Variants in NAB2 observed in about 807,000 individuals in gnomAD.
The protein encoded by NAB2 is NGFI-A-binding protein 2.
A neutral mutation model predicts 44.2 loss-of-function variants in NAB2; 9 were observed. The observed-to-expected ratio is 0.20, with a 90% CI of 0.12 to 0.36. The LOEUF is 0.36. NAB2 is among the 10% of genes least tolerant of loss of function. NAB2 has a pLI of 1.00. For synonymous variants in NAB2, 342 were observed against 291.0 expected (o/e 1.18, Z -1.78); for missense variants, 514 against 709.0 (o/e 0.73, Z 3.12).
At chr12:57,094,398 C>T (rs966186667) in intron 6 of NAB2, among the ~76,000 whole-genome samples, 1 of 151,636 alleles carries the variant, frequency 6.6e-6, no homozygotes, top group Non-Finnish European at 1.5e-5. Flanking sequence ...GAGAGACAGA[C>T]AGAGACAGAG....
rs772413890 is a variant in NAB2 at position 57,091,451 on chromosome 12, G to A, written c.410G>A (p.Arg137Gln). Residue 137 changes from arginine to glutamine, a missense_variant, in exon 2 of 7, where the codon CGG (arginine) becomes CAG (glutamine). Transcript: ENST00000300131. The surrounding 1 kb of genome is among the most constrained non-coding windows in gnomAD (Gnocchi z 7.3). ...LFKISETAGT[R>Q]KGSMSNGHGS... ...AAGATCTCTGAGACTGCGGGTACCC[G>A]GAAAGGGAGCATGAGCAATGGGCAT... 10 of 1,614,218 alleles carry A rather than the reference G, an allele frequency of 6.2e-6. No homozygotes were observed. Among genetic ancestry groups the A allele is most frequent in the Middle Eastern group, 1.6e-4 (1 of 6,062 alleles).
chr12:57,094,805 C>A lies in NAB2; in HGVS notation c.*84C>A. The A allele has an allele frequency of 8.7e-7, 1 of 1,155,942 alleles. No homozygotes were observed. The highest frequency in any genetic ancestry group is 1.2e-6 in the Non-Finnish European group (1 of 817,072). 71.6% of individuals were successfully genotyped at this position (1,155,942 alleles called of 1,614,324 possible). ...ACGCTCTCCATCCCCGGAATCTAGT[C>A]ACAACCCTGGATCCTTCCTCTGCCC... On this transcript the variant is annotated 3_prime_UTR_variant, in exon 7 of 7. Coordinates refer to ENST00000300131, the MANE Select transcript of NAB2 (RefSeq NM_005967.4).
intron 3 of NAB2, 29 bp from the exon 4 acceptor site, chr12:57,092,888 A>G (rs764973585): frequency 6.2e-7 from 1 of 1,613,690 alleles, no homozygotes; most frequent in Non-Finnish European, 8.5e-7. Flanking sequence ...CGTCAGCCTC[A>G]TCCACTTTAT....
Position 57,089,117 on chromosome 12 carries a change from CAG to C in NAB2, c.-152_-151del. ...GAGGGTGGGGGGGCAGAGGCACAGA[CAG>C]AGGCGCGGAGGCTCGGAGAGAGAAG... On this transcript the variant is annotated 5_prime_UTR_variant, in exon 1 of 7. Coordinates refer to ENST00000300131, the MANE Select transcript of NAB2 (RefSeq NM_005967.4). The C allele has an allele frequency of 2.6e-6, 2 of 763,014 alleles. No individual in the cohort carries two copies. The highest frequency in any genetic ancestry group is 2.6e-5 in the Admixed American group (1 of 39,082). The allele number at this position is 763,014 out of a possible 1,614,324, so 47.3% of individuals were successfully genotyped here. A position where few individuals can be genotyped will look rare whatever the true frequency, so the allele number is the denominator to read the frequency against.
chr12:57,094,830 C>A lies in NAB2; in HGVS notation c.*109C>A. 1 of 852,618 alleles carries A rather than the reference C, an allele frequency of 1.2e-6. No individual in the cohort carries two copies. Among genetic ancestry groups the A allele is most frequent in the Non-Finnish European group, 1.8e-6 (1 of 553,808 alleles). 52.8% of individuals were successfully genotyped at this position (852,618 alleles called of 1,614,324 possible). ...CACAACCCTGGATCCTTCCTCTGCC[C>A]TTCTCCTGCCTCCCCACCTGCTCCA... On this transcript the variant is annotated 3_prime_UTR_variant, in exon 7 of 7. Transcript: ENST00000300131.
At chr12:57,094,293 A>C (rs2033282611) in intron 6 of NAB2, among the ~76,000 whole-genome samples, 2 of 115,190 alleles carry the variant, frequency 1.7e-5, no homozygotes, top group Admixed American at 1.9e-4. Context: ...AGAGCTTGGG[A>C]AGGGGGGAGG....
At chr12:57,093,294 G>C in intron 5 of NAB2, 99 bp downstream of exon 5, 1 of 1,479,274 alleles carries the variant, frequency 6.8e-7, no homozygotes. Context: ...CTGAAACAGG[G>C]TTGGGAGACC....
chr12:57,093,738 C>G, intron 6 of NAB2, 140 bp downstream of exon 6: 1 of 944,454 alleles, frequency 1.1e-6, no homozygotes, highest in Non-Finnish European at 1.5e-6. Context: ...CTCCAGCCAG[C>G]CAGGCCTTGG....
chr12:57,092,383 A>G (rs2136544566), intron 2 of NAB2, 65 bp from the exon 3 acceptor site: 1 of 1,588,718 alleles, frequency 6.3e-7, no homozygotes, highest in East Asian at 2.2e-5. Flanking sequence ...AAGGGGTGTG[A>G]GGAGGTCTGG....
intron 2 of NAB2, 196 bp from the exon 3 acceptor site, chr12:57,092,252 G>A (rs1428514373): frequency 3.0e-6 from 3 of 993,674 alleles, no homozygotes; most frequent in Non-Finnish European, 4.3e-6. Context: ...AGAGGAGGAG[G>A]CCCCGGGCAT....
At position 57,091,082 on chromosome 12, in the gene NAB2, G is replaced by A. The variant is rs1276949102; in HGVS notation, c.84-43G>A. The A allele has an allele frequency of 2.0e-6, 3 of 1,466,460 alleles. No homozygotes were observed. The East Asian group carries it at 6.9e-5, about 34-fold the overall frequency. The allele number at this position is 1,466,460 out of a possible 1,614,324, so 90.8% of individuals were successfully genotyped here. A position where few individuals can be genotyped will look rare whatever the true frequency, so the allele number is the denominator to read the frequency against. ...TAGTGTGGGTTGGTACCCAGTAGGG[G>A]GACTTGCACCGACTGCCTCTCTCTT... On this transcript the variant is annotated intron_variant, in intron 1 of 6. Coordinates refer to ENST00000300131, the MANE Select transcript of NAB2 (RefSeq NM_005967.4). The surrounding 1 kb of genome is among the most constrained non-coding windows in gnomAD (Gnocchi z 7.3).
At position 57,093,528 on chromosome 12, in the gene NAB2, C is replaced by G. The variant is rs773296808; in HGVS notation, c.1398C>G (p.Leu466=). The change falls in exon 6 of 7, where the codon CTC becomes CTG. Residue 466 remains leucine, a synonymous_variant. Coordinates refer to ENST00000300131, the MANE Select transcript of NAB2 (RefSeq NM_005967.4). ...CACTGATGGACGAGGGGCTGCGGCT[C>G]GCCCGCCTCGTCTCCCACGACCGCG... The part of the protein sequence containing the change: ...QQTLMDEGLR[L]ARLVSHDRVG... The G allele has an allele frequency of 5.8e-6, 9 of 1,557,562 alleles. No individual in the cohort carries two copies. The highest frequency in any genetic ancestry group is 7.8e-6 in the Non-Finnish European group (9 of 1,152,880).
intron 2 of NAB2, 188 bp from the exon 3 acceptor site, chr12:57,092,260 C>A: frequency 2.9e-6 from 3 of 1,029,024 alleles, no homozygotes; most frequent in Non-Finnish European, 4.2e-6. Context: ...AGGCCCCGGG[C>A]ATTCCTAGGA....
In NAB2 at chr12:57,095,374, C is replaced by T. The variant is rs3024983; in HGVS notation, c.*653C>T. 8.4e-3 allele frequency: 1,283 copies of T among 152,952 alleles called. 11 individuals are homozygous for T. The highest frequency in any genetic ancestry group is 0.013 in the Non-Finnish European group (902 of 68,228). The allele number at this position is 152,952 out of a possible 1,614,324, so 9.5% of individuals were successfully genotyped here. On this transcript the variant is annotated 3_prime_UTR_variant, in exon 7 of 7. Coordinates refer to ENST00000300131, the MANE Select transcript of NAB2 (RefSeq NM_005967.4). ...GGTCTCCTCCAGCTGGGGGCTGGAC[C>T]GCAGCACCTATCTGAGCAGTTAGAG...
At chr12:57,092,352 G>C in intron 2 of NAB2, 96 bp from the exon 3 acceptor site, 1 of 1,500,670 alleles carries the variant, frequency 6.7e-7, no homozygotes, top group Non-Finnish European at 9.0e-7. Context: ...CTGATGGATG[G>C]GCCTCATTTG....
chr12:57,093,353 G>A, intron 5 of NAB2, 54 bp from the exon 6 acceptor site: 1 of 1,483,860 alleles, frequency 6.7e-7, no homozygotes, highest in Non-Finnish European at 8.9e-7. Flanking sequence ...TGTGGTTGAG[G>A]GTGGGGGTTC....
Position 57,091,868 on chromosome 12 carries a change from G to A in NAB2, c.827G>A (p.Arg276Gln). The A allele has an allele frequency of 6.2e-7, 1 of 1,614,170 alleles. No individual in the cohort carries two copies. The highest frequency in any genetic ancestry group is 8.5e-7 in the Non-Finnish European group (1 of 1,180,024). Residue 276 changes from arginine to glutamine, a missense_variant, in exon 2 of 7, where the codon CGG becomes CAG. Coordinates refer to ENST00000300131, the MANE Select transcript of NAB2 (RefSeq NM_005967.4). This position sits in a 1 kb window ranked among gnomAD's most constrained non-coding sequence, Gnocchi z 7.3. ...SLLKLNKKLA[R>Q]SVGHIFEMDD... ...CTAAAGCTGAATAAGAAGCTGGCAC[G>A]GAGCGTTGGGCACATCTTTGAGATG...
At chr12:57,090,406 C>G (rs925783973) in intron 1 of NAB2, among the ~76,000 whole-genome samples, 5 of 152,160 alleles carry the variant, frequency 3.3e-5, no homozygotes, top group African/African-American at 1.2e-4. Context: ...ATCGCTTGAA[C>G]CCGGGAGGCG....
At chr12:57,089,742 C>CGGGGTCCTGGAGAAGGT (rs750731976) in intron 1 of NAB2, among the ~76,000 whole-genome samples, 374 of 16,894 alleles carry the variant, frequency 0.022, no homozygotes, top group Non-Finnish European at 0.027. Context: ...CGCGGGCCCC[C>CGGGGTCCTGGAGAAGGT]GGTGCCTTTG....
Sources: allele counts gnomAD v4.1 joint callset (sites outside exome capture counted in the v4.1 genomes callset), GRCh38; gene constraint gnomAD v4.1.1; non-coding constraint Gnocchi (gnomAD v3.1); transcripts MANE v1.5; gene names NCBI Gene and HGNC (gene_info 2026-07-23, HGNC 2026-07-21).